EXT2: variants seen among roughly 807,000 people sequenced by gnomAD.
EXT2 encodes exostosin glycosyltransferase 2.
Under a neutral mutation model 81.6 loss-of-function variants are expected in EXT2, and 53 were observed. That is an observed-to-expected ratio of 0.65 (90% CI 0.52 to 0.82). The LOEUF (loss-of-function observed/expected upper bound fraction) is 0.82, where lower values mean the gene tolerates loss of function less well. EXT2 is among the 40% of genes least tolerant of loss of function. The pLI is 0.00. For synonymous variants in EXT2, 320 were observed against 340.0 expected (o/e 0.94, Z 0.65); for missense variants, 774 against 910.2 (o/e 0.85, Z 1.93).
chr11:44,109,135 G>A, intron 2 of EXT2, 59 bp from the exon 3 acceptor site: 1 of 1,575,592 alleles, frequency 6.3e-7, no homozygotes. Context: ...TCTAGTAACT[G>A]ACTCTTGTCT....
intron 7 of EXT2, among the ~76,000 whole-genome samples, chr11:44,137,644 C>T (rs149747419): frequency 2.0e-5 from 3 of 152,224 alleles, no homozygotes; most frequent in East Asian, 3.9e-4. Flanking sequence ...TAGGCAAATA[C>T]AGTTGAGTAG....
At chr11:44,096,166 C>T (rs1048981523) in intron 1 of EXT2, 3 of 1,297,768 alleles carry the variant, frequency 2.3e-6, no homozygotes, top group African/African-American at 1.5e-5. Context: ...TTTCCTCCTG[C>T]GACCCGCCCT....
Position 44,095,867 on chromosome 11 carries a change from C to G in EXT2, c.-31+15C>G. The stretch of plus-strand genomic sequence containing the variant: ...CCGTGGCCGAGGTAAGCGCGGCTCT[C>G]CAGGGCGGCGGCCGGGCGGGCGCTG... On this transcript the variant is annotated intron_variant, in intron 1 of 13. Transcript: ENST00000533608. The G allele has an allele frequency of 5.0e-6, 1 of 201,388 alleles. No individual in the cohort carries two copies. The allele number at this position is 201,388 out of a possible 1,614,324, so 12.5% of individuals were successfully genotyped here.
intron 7 of EXT2, among the ~76,000 whole-genome samples, chr11:44,164,941 G>C (rs886351558): frequency 2.7e-5 from 4 of 150,270 alleles, no homozygotes; most frequent in Non-Finnish European, 4.5e-5. Context: ...TGCAGTGGCG[G>C]GATCTCGGCT....
chr11:44,111,590 T>G (rs1237790204), intron 3 of EXT2, among the ~76,000 whole-genome samples: 1 of 152,226 alleles, frequency 6.6e-6, no homozygotes, highest in Non-Finnish European at 1.5e-5. Context: ...TTTGCAAATA[T>G]CTCTCACACA....
At position 44,244,183 on chromosome 11, in the gene EXT2, G is replaced by A. The variant is rs367897723; in HGVS notation, c.2053G>A (p.Gly685Arg). ...CATCAACAAGTTTGCTTCAGTCTTC[G>A]GGACCATGCCTCTCAAGGTGGTGGA... ...ECINKFASVF[G>R]TMPLKVVEHR... Residue 685 changes from glycine (G) to arginine (R), a missense_variant, in exon 14 of 14, where the codon GGG becomes AGG. By Grantham distance (125) the Gly-to-Arg change is moderately radical. Coordinates refer to ENST00000533608, the MANE Select transcript of EXT2 (RefSeq NM_207122.2). 185 of 1,613,898 alleles carry A rather than the reference G, an allele frequency of 1.1e-4. No homozygotes were observed. The highest frequency in any genetic ancestry group is 1.5e-4 in the Non-Finnish European group (178 of 1,179,990).
rs144764970 is a variant in EXT2 at position 44,173,599 on chromosome 11, C to T, written c.1305+1857C>T. The stretch of plus-strand genomic sequence containing the variant: ...TTTTTTTTTTTTTGAGATGGAGTCT[C>T]GCTCTGTCGCCCAGGCTGGAGTGCA... On this transcript the variant is annotated intron_variant, in intron 8 of 13. Coordinates refer to ENST00000533608, the MANE Select transcript of EXT2 (RefSeq NM_207122.2). Among the ~76,000 whole-genome samples the T allele has an allele frequency of 5.8e-3, 709 of 121,970 alleles. 8 individuals are homozygous for T. Among genetic ancestry groups the T allele is most frequent in the African/African-American group, 0.021 (666 of 31,986 alleles). The allele number at this position is 121,970 out of a possible 152,430, so 80.0% of individuals were successfully genotyped here.
intron 7 of EXT2, among the ~76,000 whole-genome samples, chr11:44,152,834 A>G (rs11037888): frequency 0.25 from 37,872 of 152,042 alleles, 4,870 homozygotes; most frequent in Non-Finnish European, 0.28. Context: ...AAGATCATTC[A>G]GGTATATTTA....
intron 10 of EXT2, among the ~76,000 whole-genome samples, chr11:44,213,733 G>A (rs552866372): frequency 1.3e-5 from 2 of 152,258 alleles, no homozygotes; most frequent in South Asian, 4.1e-4. Context: ...AGAGACTTGT[G>A]GGACAATCAC....
intron 1 of EXT2, among the ~76,000 whole-genome samples, chr11:44,102,661 AG>A (rs1170338636): frequency 6.6e-6 from 1 of 150,380 alleles, no homozygotes; most frequent in Non-Finnish European, 1.5e-5. Context: ...CCTTCTGCTG[AG>A]GCCACTTGGG....
intron 8 of EXT2, among the ~76,000 whole-genome samples, chr11:44,197,360 C>T (rs555166233): frequency 1.3e-5 from 2 of 152,210 alleles, no homozygotes; most frequent in Admixed American, 6.5e-5. Context: ...TGCTTGCCAT[C>T]GCTGCCTCCC....
At chr11:44,225,431 G>A (rs1444268716) in intron 10 of EXT2, among the ~76,000 whole-genome samples, 1 of 152,122 alleles carries the variant, frequency 6.6e-6, no homozygotes, top group African/African-American at 2.4e-5. Context: ...TTCACAAAGA[G>A]CCTGTAGCTT....
chr11:44,189,150 A>G (rs1282615351), intron 8 of EXT2, among the ~76,000 whole-genome samples: 1 of 152,150 alleles, frequency 6.6e-6, no homozygotes. Context: ...TTAGTTCAGT[A>G]CCCCCAAATG....
At chr11:44,128,750 A>G (rs1328903085) in intron 6 of EXT2, among the ~76,000 whole-genome samples, 1 of 152,160 alleles carries the variant, frequency 6.6e-6, no homozygotes, top group Non-Finnish European at 1.5e-5. Flanking sequence ...GGTTGAGATA[A>G]CCAGCTCTCT....
intron 4 of EXT2, among the ~76,000 whole-genome samples, chr11:44,118,416 C>G (rs1475015662): frequency 6.6e-6 from 1 of 152,018 alleles, no homozygotes; most frequent in African/African-American, 2.4e-5. Flanking sequence ...ATGAAAATTT[C>G]CAAACAGCAA....
intron 7 of EXT2, among the ~76,000 whole-genome samples, chr11:44,146,229 T>C (rs1954715128): frequency 6.6e-6 from 1 of 152,252 alleles, no homozygotes; most frequent in Admixed American, 6.5e-5. Flanking sequence ...AGCCTCATTT[T>C]CACTTAATCA....
Position 44,247,876 on chromosome 11 carries a change from T to C in EXT2, c.*3589T>C, listed in dbSNP as rs1383190555. 6.6e-6 allele frequency among the ~76,000 whole-genome samples: 1 copy of C among 152,242 alleles called. No homozygotes were observed. The highest frequency in any genetic ancestry group is 2.4e-5 in the African/African-American group (1 of 41,468). ...GTCTTTATCACTGAAAGATAGCACG[T>C]TTCTAGCCACAGGTTCTGAAGTTGA... On this transcript the variant is annotated 3_prime_UTR_variant, in exon 14 of 14. Coordinates refer to ENST00000533608, the MANE Select transcript of EXT2 (RefSeq NM_207122.2).
intron 1 of EXT2, among the ~76,000 whole-genome samples, chr11:44,100,571 C>T (rs1303526515): frequency 6.6e-6 from 1 of 152,046 alleles, no homozygotes; most frequent in Non-Finnish European, 1.5e-5. Context: ...TCCTTAGAAG[C>T]CTTGGGGTAA....
At chr11:44,211,610 A>G (rs1955649448) in intron 10 of EXT2, among the ~76,000 whole-genome samples, 1 of 152,236 alleles carries the variant, frequency 6.6e-6, no homozygotes, top group Non-Finnish European at 1.5e-5. Flanking sequence ...GGTGGTTACC[A>G]GAGGTTGGAG....
Sources: allele counts gnomAD v4.1 joint callset (sites outside exome capture counted in the v4.1 genomes callset), GRCh38; gene constraint gnomAD v4.1.1; transcripts MANE v1.5; gene names NCBI Gene and HGNC (gene_info 2026-07-23, HGNC 2026-07-21).